Variants in PSMD1 observed in about 807,000 individuals in gnomAD.
The protein encoded by PSMD1 is 26S proteasome non-ATPase regulatory subunit 1.
PSMD1 carries 18 observed loss-of-function variants against 119.0 expected under a neutral mutation model. The observed-to-expected ratio is 0.15, with a 90% CI of 0.10 to 0.22. The LOEUF is 0.22. Among genes scored for constraint, PSMD1 ranks in the 10% least tolerant of loss-of-function variants. The probability of loss-of-function intolerance (pLI) is 1.00; values close to 1 mark genes in which losing one functional copy is unlikely to be tolerated. For missense variants in PSMD1, 702 were observed against 1,158.5 expected, an observed-to-expected ratio of 0.61 and a Z score of 5.72; for synonymous variants, 374 against 396.6, an observed-to-expected ratio of 0.94 and a Z score of 0.68.
intron 1 of PSMD1, among the ~76,000 whole-genome samples, chr2:231,057,371 G>C (rs1246278014): frequency 6.6e-6 from 1 of 152,226 alleles, no homozygotes; most frequent in East Asian, 1.9e-4. Flanking sequence ...GGCCGTGTGA[G>C]GTCGTCCAGC....
intron 16 of PSMD1, chr2:231,108,480 T>TA (rs1265503505): frequency 6.8e-7 from 1 of 1,480,916 alleles, no homozygotes; most frequent in African/African-American, 1.4e-5. Flanking sequence ...TTCATCATCT[T>TA]ACTCATCATT....
chr2:231,117,045 GAC>G (rs1695366090), intron 16 of PSMD1, among the ~76,000 whole-genome samples: 3 of 152,052 alleles, frequency 2.0e-5, no homozygotes, highest in Admixed American at 6.5e-5. Flanking sequence ...AACAGTTCTA[GAC>G]ACACTTGTTT....
intron 16 of PSMD1, among the ~76,000 whole-genome samples, chr2:231,104,422 C>T (rs1413596072): frequency 1.3e-5 from 2 of 151,980 alleles, no homozygotes; most frequent in East Asian, 3.9e-4. Flanking sequence ...ATTCTTGGTT[C>T]TCTTTTCATA....
chr2:231,074,350 C>T (rs576143217), intron 7 of PSMD1, among the ~76,000 whole-genome samples: 13 of 152,220 alleles, frequency 8.5e-5, no homozygotes, highest in Non-Finnish European at 1.6e-4. Context: ...AGGTGATCCG[C>T]TTGCCTCAGC....
At chr2:231,075,635 A>G in intron 8 of PSMD1, 64 bp downstream of exon 8, 2 of 1,473,482 alleles carry the variant, frequency 1.4e-6, no homozygotes, top group Admixed American at 3.8e-5. Flanking sequence ...GCTAGAACGC[A>G]GTGGCGCGGT....
intron 1 of PSMD1, 44 bp from the exon 2 acceptor site, chr2:231,061,223 G>T (rs1693750386): frequency 6.7e-7 from 1 of 1,489,588 alleles, no homozygotes; most frequent in Non-Finnish European, 9.2e-7. Flanking sequence ...TTCCACTTTA[G>T]TGAGAATGTG....
chr2:231,100,460 A>C lies in PSMD1; in HGVS notation c.1883+13279A>C, dbSNP rs1694837602. Among the ~76,000 whole-genome samples the C allele has an allele frequency of 1.3e-5, 2 of 152,166 alleles. 1 individual carries two copies. The highest frequency in any genetic ancestry group is 2.9e-5 in the Non-Finnish European group (2 of 68,032). Reference sequence around the variant, plus strand: ...GCTTTGGCAGGAGTCAGGGCAGAGCAGGTAGCAGGTAATTGGAATGAGTTA... The same window carrying C: ...GCTTTGGCAGGAGTCAGGGCAGAGCCGGTAGCAGGTAATTGGAATGAGTTA... On this transcript the variant is annotated intron_variant, in intron 16 of 24. Coordinates refer to ENST00000308696, the MANE Select transcript of PSMD1 (RefSeq NM_002807.4).
At chr2:231,130,182 A>G (rs1695821515) in intron 16 of PSMD1, among the ~76,000 whole-genome samples, 1 of 152,262 alleles carries the variant, frequency 6.6e-6, no homozygotes, top group African/African-American at 2.4e-5. Flanking sequence ...AAGGAGAACA[A>G]GAAAAGTTCC....
intron 17 of PSMD1, among the ~76,000 whole-genome samples, chr2:231,141,028 C>G (rs1253528234): frequency 6.6e-6 from 1 of 152,130 alleles, no homozygotes; most frequent in African/African-American, 2.4e-5. Context: ...AATTAACCTG[C>G]TGGGCGCGGT....
At chr2:231,096,896 TAGGGTGGAGCAGATGATCGGAATGAGTC>T (rs1694742041) in intron 16 of PSMD1, among the ~76,000 whole-genome samples, 2 of 152,154 alleles carry the variant, frequency 1.3e-5, no homozygotes, top group Non-Finnish European at 1.5e-5. Context: ...TGGAATGAGT[TAGGGTGGAGCAGATGATCGGAATGAGTC>T]AGGGTGGAGT....
chr2:231,163,560 C>A, intron 20 of PSMD1, 75 bp from the exon 21 acceptor site: 2 of 1,097,272 alleles, frequency 1.8e-6, no homozygotes, highest in Non-Finnish European at 1.3e-6. Context: ...AAACTTTGGT[C>A]TCCTTTTGTA....
intron 16 of PSMD1, among the ~76,000 whole-genome samples, chr2:231,126,316 G>T (rs543242216): frequency 1.3e-5 from 2 of 152,056 alleles, no homozygotes; most frequent in Admixed American, 1.3e-4. Context: ...AGGGGTTGAG[G>T]GTTAGGGGTC....
chr2:231,128,944 C>T (rs1695791508), intron 16 of PSMD1, among the ~76,000 whole-genome samples: 1 of 151,910 alleles, frequency 6.6e-6, no homozygotes, highest in Non-Finnish European at 1.5e-5. Flanking sequence ...TTTTTGTCAT[C>T]GAAACTCTAG....
chr2:231,057,974 C>T (rs1472274893), intron 1 of PSMD1, among the ~76,000 whole-genome samples: 1 of 152,178 alleles, frequency 6.6e-6, no homozygotes, highest in Non-Finnish European at 1.5e-5. Context: ...GAGCAGAAGA[C>T]AGTAATCTGA....
At chr2:231,070,837 A>AT (rs1694025603) in intron 6 of PSMD1, among the ~76,000 whole-genome samples, 1 of 152,020 alleles carries the variant, frequency 6.6e-6, no homozygotes, top group Admixed American at 6.5e-5. Context: ...TGTTGTATAC[A>AT]TTTTTTGTAT....
rs1694398471 is a variant in PSMD1, at chr2:231,085,047, A to G, written c.1751A>G (p.Tyr584Cys). ...CCAATTCTTCGAAGGTCTGGAATGTATACTGTAGCCATGGCTTATTGTGGC... is the reference window on the plus strand; with the variant it reads ...CCAATTCTTCGAAGGTCTGGAATGTGTACTGTAGCCATGGCTTATTGTGGC... Reference protein sequence around the residue: ...KDPILRRSGMYTVAMAYCGSG... With the variant: ...KDPILRRSGMCTVAMAYCGSG... Residue 584 changes from tyrosine to cysteine, a missense_variant, in exon 15 of 25, where the codon TAT (tyrosine) becomes TGT (cysteine). Tyr to Cys is a radical substitution (Grantham distance 194). Around this residue, in one of 9 missense-constraint regions of PSMD1, gnomAD observed 272 missense variants for 511.6 expected, o/e 0.53. Coordinates refer to ENST00000308696, the MANE Select transcript of PSMD1 (RefSeq NM_002807.4). 14 of 1,613,942 alleles carry G rather than the reference A, an allele frequency of 8.7e-6. No homozygotes were observed. Among genetic ancestry groups the G allele is most frequent in the Non-Finnish European group, 1.1e-5 (13 of 1,179,836 alleles).
chr2:231,086,530 G>T (rs1461368655), intron 15 of PSMD1, among the ~76,000 whole-genome samples: 1 of 152,122 alleles, frequency 6.6e-6, no homozygotes, highest in Non-Finnish European at 1.5e-5. Flanking sequence ...GGTGGCACAC[G>T]CCTGTAGTCC....
intron 7 of PSMD1, among the ~76,000 whole-genome samples, chr2:231,074,507 A>G (rs370617873): frequency 2.0e-5 from 3 of 151,984 alleles, no homozygotes; most frequent in African/African-American, 4.8e-5. Context: ...GTTAATCTTC[A>G]TTTCTGAAAT....
chr2:231,068,198 G>A (rs1693952524), intron 5 of PSMD1, among the ~76,000 whole-genome samples: 1 of 151,996 alleles, frequency 6.6e-6, no homozygotes, highest in Non-Finnish European at 1.5e-5. Flanking sequence ...AAGCTATATC[G>A]GGACAGGTAT....
Sources: gnomAD v4.1 joint callset for allele counts (sites outside exome capture counted in the v4.1 genomes callset) on GRCh38, gnomAD v4.1.1 for gene constraint, gnomAD v4.1.1 regional missense constraint, MANE v1.5 for transcripts, NCBI Gene and HGNC (gene_info 2026-07-23, HGNC 2026-07-21) for gene names.